The following THTPA variants were observed in gnomAD, a reference collection of about 807,000 sequenced individuals.
THTPA encodes thiamine-triphosphatase.
THTPA carries 16 observed loss-of-function variants against 16.5 expected under a neutral mutation model. The ratio of observed to expected loss-of-function variants is 0.97; its 90% CI spans 0.66 to 1.47. THTPA has a LOEUF of 1.47. Ranked by LOEUF, THTPA falls within the 40% of genes most tolerant of loss-of-function variation. The pLI, the probability that THTPA is intolerant of heterozygous loss-of-function variation, is 0.00. For missense variants in THTPA, 281 were observed against 280.9 expected (o/e 1.00, Z 0.00); for synonymous variants, 110 against 115.5 (o/e 0.95, Z 0.30).
chr14:23,539,109 C>T, the THTPA span, among the ~76,000 whole-genome samples: 1 of 152,202 alleles, frequency 6.6e-6, no homozygotes, highest in African/African-American at 2.4e-5. Flanking sequence ...GCTGCCCCTT[C>T]AGCCTATCCT....
upstream of THTPA, among the ~76,000 whole-genome samples, chr14:23,555,409 C>T (rs111471508): frequency 0.02 from 3,090 of 152,344 alleles, 56 homozygotes; most frequent in Non-Finnish European, 0.032. Context: ...TTTCCCTCAA[C>T]TGCATTTCTA....
chr14:23,548,895 C>T, the THTPA span, among the ~76,000 whole-genome samples: 1 of 152,200 alleles, frequency 6.6e-6, no homozygotes, highest in Non-Finnish European at 1.5e-5. Context: ...ACGCTGTGTC[C>T]TCCTCACACC....
At chr14:23,531,521 C>G in the THTPA span, 18 of 1,492,832 alleles carry the variant, frequency 1.2e-5, no homozygotes, top group Admixed American at 2.1e-5. Flanking sequence ...TCAGGATGCT[C>G]TGAAGAGCTG....
At position 23,559,093 on chromosome 14, in the gene THTPA, C is replaced by T. The variant is rs1392483860; in HGVS notation, c.*253C>T. 1.8e-5 allele frequency: 9 copies of T among 496,774 alleles called. No individual in the cohort carries two copies. Among genetic ancestry groups the T allele is most frequent in the South Asian group, 7.1e-5 (3 of 42,538 alleles). 30.8% of individuals were successfully genotyped at this position (496,774 alleles called of 1,614,324 possible). Reference sequence around the variant, plus strand: ...TAAGCAGCCTCCATTGATTTCCGCTCGTGTTTATAGGATTTCCACTTAGCC... The same window carrying T: ...TAAGCAGCCTCCATTGATTTCCGCTTGTGTTTATAGGATTTCCACTTAGCC... On this transcript the variant is annotated 3_prime_UTR_variant, in exon 2 of 2. Coordinates refer to ENST00000288014, the MANE Select transcript of THTPA (RefSeq NM_024328.6).
At chr14:23,553,926 G>A (rs1189168135), upstream of THTPA, among the ~76,000 whole-genome samples, 1 of 151,280 alleles carries the variant, frequency 6.6e-6, no homozygotes, top group Non-Finnish European at 1.5e-5. Context: ...TAGGAGGGTG[G>A]GGTGGCACGT....
the THTPA span, chr14:23,531,496 G>C: frequency 7.0e-7 from 1 of 1,432,720 alleles, no homozygotes; most frequent in Non-Finnish European, 9.2e-7. Context: ...GTCCGGAGCT[G>C]CCCGTGGCTG....
At position 23,556,607 on chromosome 14, in the gene THTPA, C is replaced by A; in HGVS notation, c.-151C>A. On this transcript the variant is annotated 5_prime_UTR_variant, in exon 1 of 2. Coordinates refer to ENST00000288014, the MANE Select transcript of THTPA (RefSeq NM_024328.6). The stretch of plus-strand genomic sequence containing the variant: ...TGTCACCGAGGTAGAGAGAAAAGGG[C>A]AGTAGCCCTAGAGACTATTGCGACA... 1 of 771,020 alleles carries A rather than the reference C, an allele frequency of 1.3e-6. No homozygotes were observed. The highest frequency in any genetic ancestry group is 2.0e-6 in the Non-Finnish European group (1 of 492,348). 47.8% of individuals were successfully genotyped at this position (771,020 alleles called of 1,614,324 possible). A position where few individuals can be genotyped will look rare whatever the true frequency, so the allele number is the denominator to read the frequency against.
At position 23,556,281 on chromosome 14, in the gene THTPA, A is replaced by G. The variant is rs978864275; in HGVS notation, c.-477A>G. The G allele has an allele frequency of 1.3e-5, 2 of 156,098 alleles. No homozygotes were observed. Among genetic ancestry groups the G allele is most frequent in the Admixed American group, 6.3e-5 (1 of 15,964 alleles). The allele number at this position is 156,098 out of a possible 1,614,324, so 9.7% of individuals were successfully genotyped here. ...GGAACTGCTCCCGGCATTCCTCGCG[A>G]GTGTATGGCGTGGGCTCCCTTCCCC... On this transcript the variant is annotated 5_prime_UTR_variant, in exon 1 of 2. Coordinates refer to ENST00000288014, the MANE Select transcript of THTPA (RefSeq NM_024328.6).
At chr14:23,533,816 C>T in the THTPA span, 1 of 1,544,256 alleles carries the variant, frequency 6.5e-7, no homozygotes, top group East Asian at 2.4e-5. The surrounding 1 kb of genome is among the most constrained non-coding windows in gnomAD (Gnocchi z 4.8). Flanking sequence ...GGTTTGTAGC[C>T]ACAGTTGTAG....
At chr14:23,529,203 C>T in the THTPA span, among the ~76,000 whole-genome samples, 4 of 152,156 alleles carry the variant, frequency 2.6e-5, no homozygotes, top group African/African-American at 9.7e-5. Flanking sequence ...GGTCTGAGTC[C>T]TGGGGATTTA....
the THTPA span, among the ~76,000 whole-genome samples, chr14:23,547,828 C>T: frequency 1.3e-5 from 2 of 152,228 alleles, no homozygotes; most frequent in Non-Finnish European, 2.9e-5. Context: ...TTCTGTGTGA[C>T]AGACACTGTG....
At chr14:23,546,379 C>A in the THTPA span, among the ~76,000 whole-genome samples, 4 of 152,176 alleles carry the variant, frequency 2.6e-5, no homozygotes, top group Admixed American at 2.6e-4. This position sits in a 1 kb window ranked among gnomAD's most constrained non-coding sequence, Gnocchi z 4.7. Context: ...TGCTGAGCAT[C>A]TCAGTAGAAA....
At chr14:23,524,313 T>C in the THTPA span, 3 of 1,536,250 alleles carry the variant, frequency 2.0e-6, no homozygotes, top group East Asian at 2.4e-5. The surrounding 1 kb of genome is among the most constrained non-coding windows in gnomAD (Gnocchi z 5.6). Flanking sequence ...GAATCCTGCA[T>C]GTACCAACGG....
In THTPA at chr14:23,557,251, A is replaced by T; in HGVS notation, c.494A>T (p.Glu165Val). Residue 165 changes from glutamate to valine, a missense_variant, in exon 1 of 2, where the codon GAG (glutamate) becomes GTG (valine). By Grantham distance (121) the Glu-to-Val change is moderately radical (BLOSUM62 -2). Coordinates refer to ENST00000288014, the MANE Select transcript of THTPA (RefSeq NM_024328.6). ...GAGGTAGAGGCCCTGGTGCATGAGG[A>T]GGCTGAAGTACCAACTGCCCTAGAG... ...VGEVEALVHE[E>V]AEVPTALEKI... The T allele has an allele frequency of 6.2e-7, 1 of 1,611,682 alleles. No homozygotes were observed. The highest frequency in any genetic ancestry group is 1.1e-5 in the South Asian group (1 of 91,042).
chr14:23,535,278 A>G, the THTPA span: 2 of 1,489,536 alleles, frequency 1.3e-6, no homozygotes, highest in African/African-American at 2.8e-5. The surrounding 1 kb of genome is among the most constrained non-coding windows in gnomAD (Gnocchi z 4.5). Context: ...CATTGTGCCC[A>G]GGGGAGGGGG....
the THTPA span, chr14:23,521,850 A>G: frequency 1.4e-6 from 2 of 1,474,224 alleles, no homozygotes; most frequent in Non-Finnish European, 1.8e-6. Flanking sequence ...AGTTCCTGTG[A>G]GGTGGGCGGG....
Position 23,559,091 on chromosome 14 carries a change from C to G in THTPA, c.*251C>G, listed in dbSNP as rs927616487. ...GCTAAGCAGCCTCCATTGATTTCCG[C>G]TCGTGTTTATAGGATTTCCACTTAG... On this transcript the variant is annotated 3_prime_UTR_variant, in exon 2 of 2. Transcript: ENST00000288014. 2.0e-6 allele frequency: 1 copy of G among 503,860 alleles called. No homozygotes were observed. The highest frequency in any genetic ancestry group is 3.6e-6 in the Non-Finnish European group (1 of 280,314). The allele number at this position is 503,860 out of a possible 1,614,324, so 31.2% of individuals were successfully genotyped here. A position where few individuals can be genotyped will look rare whatever the true frequency, so the allele number is the denominator to read the frequency against.
At chr14:23,552,288 A>AT (rs891218317), upstream of THTPA, among the ~76,000 whole-genome samples, 3,628 of 133,984 alleles carry the variant, frequency 0.027, 82 homozygotes, top group East Asian at 0.1. Context: ...GTGCTCCTGA[A>AT]TTTTTTTTTT....
At position 23,556,531 on chromosome 14, in the gene THTPA, C is replaced by G; in HGVS notation, c.-227C>G. The G allele has an allele frequency of 1.7e-6, 1 of 571,784 alleles. No homozygotes were observed. Among genetic ancestry groups the G allele is most frequent in the Non-Finnish European group, 3.1e-6 (1 of 323,834 alleles). The allele number at this position is 571,784 out of a possible 1,614,324, so 35.4% of individuals were successfully genotyped here. A position where few individuals can be genotyped will look rare whatever the true frequency, so the allele number is the denominator to read the frequency against. ...ATCAGCAGCAGTGGAAGGGATTTTA[C>G]TGGAGACCTGTCACTGTCAGAGCCT... On this transcript the variant is annotated 5_prime_UTR_variant, in exon 1 of 2. Coordinates refer to ENST00000288014, the MANE Select transcript of THTPA (RefSeq NM_024328.6).
Sources: gnomAD v4.1 joint callset for allele counts (sites outside exome capture counted in the v4.1 genomes callset) on GRCh38, gnomAD v4.1.1 for gene constraint, Gnocchi (gnomAD v3.1) non-coding constraint, MANE v1.5 for transcripts, NCBI Gene and HGNC (gene_info 2026-07-23, HGNC 2026-07-21) for gene names.